The following SMPD2 variants were observed in gnomAD, a reference collection of about 807,000 sequenced individuals.
The protein encoded by SMPD2 is N-SMase.
Under a neutral mutation model 41.7 loss-of-function variants are expected in SMPD2, and 35 were observed. The observed-to-expected ratio is 0.84, with a 90% CI of 0.64 to 1.11. SMPD2 has a LOEUF of 1.11. SMPD2 is among the 50% of genes most tolerant of loss of function. The pLI, the probability that SMPD2 is intolerant of heterozygous loss-of-function variation, is 0.00. For missense variants in SMPD2, 520 were observed against 524.8 expected (o/e 0.99, Z 0.09); for synonymous variants, 201 against 208.2 (o/e 0.97, Z 0.30).
chr6:109,442,465 TGACA>T, intron 5 of SMPD2, 74 bp from the exon 6 acceptor site: 1 of 1,424,804 alleles, frequency 7.0e-7, no homozygotes, highest in East Asian at 2.3e-5. Context: ...CCATGCCAAG[TGACA>T]GACACAGGCT....
rs1774917678 is a variant in SMPD2, at chr6:109,441,984, G to A, written c.235G>A (p.Gly79Ser). The change falls in exon 4 of 10, where the codon GGC becomes AGC. Residue 79 changes from glycine to serine, a missense_variant. Physicochemically the swap from Gly to Ser is moderately conservative, Grantham distance 56 (BLOSUM62 0). Transcript: ENST00000258052. ...GGGCTTGGCTTTCAGCGGAATCATT[G>A]GCAGTGGCCTCTGTGTCTTCTCCAA... is the stretch of plus-strand genomic sequence containing the variant. ...AAHHFRSGII[G>S]SGLCVFSKHP... 6.2e-7 allele frequency: 1 copy of A among 1,614,132 alleles called. No individual in the cohort carries two copies. The highest frequency in any genetic ancestry group is 8.5e-7 in the Non-Finnish European group (1 of 1,179,964).
rs746245730 is a variant in SMPD2, at chr6:109,442,559, A to G, written c.425A>G (p.Asn142Ser). The G allele has an allele frequency of 3.1e-6, 5 of 1,613,504 alleles. No individual in the cohort carries two copies. The highest frequency in any genetic ancestry group is 1.3e-5 in the African/African-American group (1 of 75,054). The change falls in exon 6 of 10, where the codon AAT becomes AGT. Residue 142 changes from asparagine (N) to serine (S), a missense_variant. By Grantham distance (46) the Asn-to-Ser change is conservative. Coordinates refer to ENST00000258052, the MANE Select transcript of SMPD2 (RefSeq NM_003080.3). ...CTTGCTCAGCTCCATGCCGAATACA[A>G]TCGACAGAAGGACATCTACCTAGCA... is the stretch of plus-strand genomic sequence containing the variant. ...AYVTHLHAEY[N>S]RQKDIYLAHR...
At position 109,443,680 on chromosome 6, in the gene SMPD2, G is replaced by C; in HGVS notation, c.1047G>C (p.Gly349=). Residue 349 remains glycine, a synonymous_variant, in exon 10 of 10, where the codon GGG becomes GGC. Transcript: ENST00000258052. ...TGTGTGTCCTGGCGGCTGGAGGAGG[G>C]GCCGGGGAAGCTGCCATACTGCTCT... The part of the protein sequence containing the change: ...ALLCVLAAGG[G]AGEAAILLWT... The C allele has an allele frequency of 1.2e-6, 2 of 1,613,568 alleles. No individual in the cohort carries two copies. Among genetic ancestry groups the C allele is most frequent in the South Asian group, 2.2e-5 (2 of 91,084 alleles).
In SMPD2 at chr6:109,442,904, T is replaced by C; in HGVS notation, c.624+20T>C. The C allele has an allele frequency of 6.2e-7, 1 of 1,610,270 alleles. No individual in the cohort carries two copies. Among genetic ancestry groups the C allele is most frequent in the Non-Finnish European group, 8.5e-7 (1 of 1,176,662 alleles). ...TTCAAGGTGAGGACTTGCCTGTTAC[T>C]TCCCCACCTATATCCCCAGCTTCTC... On this transcript the variant is annotated intron_variant, in intron 7 of 9. Transcript: ENST00000258052.
chr6:109,440,968 C>G lies in SMPD2; in HGVS notation c.-154C>G. The stretch of plus-strand genomic sequence containing the variant: ...TTGCCGGGGGAACGCGGGAGTCGGG[C>G]CCGACCTGAGCCACGCGGGCTTGGT... On this transcript the variant is annotated 5_prime_UTR_variant, in exon 1 of 10. Transcript: ENST00000258052. The G allele has an allele frequency of 2.8e-6, 2 of 713,526 alleles. No homozygotes were observed. Among genetic ancestry groups the G allele is most frequent in the East Asian group, 2.8e-5 (1 of 36,026 alleles). The allele number at this position is 713,526 out of a possible 1,614,324, so 44.2% of individuals were successfully genotyped here.
At position 109,443,512 on chromosome 6, in the gene SMPD2, T is replaced by C. The variant is rs775164298; in HGVS notation, c.884-5T>C. On this transcript the variant is annotated splice_polypyrimidine_tract_variant and splice_region_variant and intron_variant, in intron 9 of 9. Coordinates refer to ENST00000258052, the MANE Select transcript of SMPD2 (RefSeq NM_003080.3). ...CTCCTGCCCCACTGCCCTGCTCTGT[T>C]GTAGGACCAGCAGAGAGGTCGCCGT... 1.6e-5 allele frequency: 26 copies of C among 1,609,110 alleles called. No individual in the cohort carries two copies. The highest frequency in any genetic ancestry group is 2.0e-5 in the Non-Finnish European group (24 of 1,176,802).
Position 109,442,742 on chromosome 6 carries a change from G to GT in SMPD2, c.492-8dup. ...GAAGAACTCCCGCCTCACCAACCTG[G>GT]TTCCCCCAGCCACACATCCAAGAAG... On this transcript the variant is annotated splice_polypyrimidine_tract_variant and intron_variant, in intron 6 of 9. Coordinates refer to ENST00000258052, the MANE Select transcript of SMPD2 (RefSeq NM_003080.3). 1 of 1,603,810 alleles carries GT rather than the reference G, an allele frequency of 6.2e-7. No homozygotes were observed. The highest frequency in any genetic ancestry group is 8.5e-7 in the Non-Finnish European group (1 of 1,179,518).
At chr6:109,441,496 G>T in intron 2 of SMPD2, 43 bp downstream of exon 2, 1 of 1,612,396 alleles carries the variant, frequency 6.2e-7, no homozygotes, top group Non-Finnish European at 8.5e-7. Flanking sequence ...CTGGGAGGAG[G>T]GACAGACCGT....
Position 109,440,797 on chromosome 6 carries a change from A to C in SMPD2, c.-325A>C. The stretch of plus-strand genomic sequence containing the variant: ...ACCGCCGGGGACGAGCTTGGAGGAA[A>C]AGGAACCGGGAGCCGCCCACCCGGG... On this transcript the variant is annotated 5_prime_UTR_variant, in exon 1 of 10. Transcript: ENST00000258052. 2.8e-6 allele frequency: 1 copy of C among 354,710 alleles called. No homozygotes were observed. The highest frequency in any genetic ancestry group is 4.8e-6 in the Non-Finnish European group (1 of 207,488). 22.0% of individuals were successfully genotyped at this position (354,710 alleles called of 1,614,324 possible).
At chr6:109,441,504 C>T (rs375281708) in intron 2 of SMPD2, 48 bp from the exon 3 acceptor site, 4 of 1,607,942 alleles carry the variant, frequency 2.5e-6, no homozygotes, top group East Asian at 4.5e-5. Context: ...AGGGACAGAC[C>T]GTCCCACTGG....
In SMPD2 at chr6:109,442,230, C is replaced by A. The variant is rs147234352; in HGVS notation, c.339C>A (p.Phe113Leu). ...TGCAGATCCATCATGGTGACTGGTTCAGTGGGAAGGCTGTGGGGCTGCTGG... is the reference window on the plus strand; with the variant it reads ...TGCAGATCCATCATGGTGACTGGTTAAGTGGGAAGGCTGTGGGGCTGCTGG... ...YPYMIHHGDW[F>L]SGKAVGLLVL... is the part of the protein sequence containing the mutation. Residue 113 changes from phenylalanine to leucine, a missense_variant, in exon 5 of 10, where the codon TTC (phenylalanine) becomes TTA (leucine). Coordinates refer to ENST00000258052, the MANE Select transcript of SMPD2 (RefSeq NM_003080.3). 279 of 1,614,208 alleles carry A rather than the reference C, an allele frequency of 1.7e-4. 1 individual carries two copies. The African/African-American group carries it at 3.1e-3, about 18-fold the overall frequency.
Position 109,443,361 on chromosome 6 carries a change from T to C in SMPD2, c.824T>C (p.Leu275Pro), listed in dbSNP as rs768830624. 6.2e-7 allele frequency: 1 copy of C among 1,614,108 alleles called. No homozygotes were observed. Among genetic ancestry groups the C allele is most frequent in the Non-Finnish European group, 8.5e-7 (1 of 1,179,978 alleles). ...RGTPLSDHEA[L>P]MATLFVRHSP... ...ACCCCCCTCTCTGATCATGAAGCCC[T>C]GATGGCTACTCTGTTTGTGAGGCAC... The change falls in exon 9 of 10, where the codon CTG becomes CCG. Residue 275 changes from leucine to proline, a missense_variant. Transcript: ENST00000258052.
In SMPD2 at chr6:109,442,475, A is replaced by G. The variant is rs1399992971; in HGVS notation, c.409-68A>G. The G allele has an allele frequency of 6.2e-6, 9 of 1,455,412 alleles. No homozygotes were observed. In the Admixed American group the frequency reaches 1.5e-4, roughly 25 times the overall value. The allele number at this position is 1,455,412 out of a possible 1,614,324, so 90.2% of individuals were successfully genotyped here. ...AAACACCATGCCAAGTGACAGACAC[A>G]GGCTTGATTCAGACATACCCCTGGG... On this transcript the variant is annotated intron_variant, in intron 5 of 9. Transcript: ENST00000258052.
At chr6:109,441,498 A>T in intron 2 of SMPD2, 45 bp downstream of exon 2, 1 of 1,612,412 alleles carries the variant, frequency 6.2e-7, no homozygotes, top group Non-Finnish European at 8.5e-7. Context: ...GGGAGGAGGG[A>T]CAGACCGTCC....
intron 1 of SMPD2, 83 bp downstream of exon 1, chr6:109,441,254 A>T (rs1774864259): frequency 6.3e-7 from 1 of 1,594,910 alleles, no homozygotes; most frequent in Non-Finnish European, 8.6e-7. Flanking sequence ...CCGCCCCACG[A>T]TCTCAGGGTG....
In SMPD2 at chr6:109,443,022, AG is replaced by A; in HGVS notation, c.671del (p.Ser224ThrfsTer5). ...AATGGTACCCAAGAACTGCTACGTC[AG>A]CCAGCAGGAGCTGAAGCCATTTCCC... is the stretch of plus-strand genomic sequence containing the variant. ...NTMVPKNCYV[S>X]QQELKPFPFG... On this transcript the variant is annotated frameshift_variant, in exon 8 of 10. Transcript: ENST00000258052. LOFTEE classifies it high-confidence loss of function. The A allele has an allele frequency of 1.9e-6, 3 of 1,614,226 alleles. No homozygotes were observed. Among genetic ancestry groups the A allele is most frequent in the Non-Finnish European group, 2.5e-6 (3 of 1,180,038 alleles).
At chr6:109,442,338 G>T (rs1562282345) in intron 5 of SMPD2, 39 bp downstream of exon 5, 1 of 1,568,166 alleles carries the variant, frequency 6.4e-7, no homozygotes, top group South Asian at 1.1e-5. Flanking sequence ...GGGACATGCA[G>T]CCCAGTCCTG....
chr6:109,441,497 G>A (rs1431210367), intron 2 of SMPD2, 44 bp downstream of exon 2: 10 of 1,612,428 alleles, frequency 6.2e-6, no homozygotes, highest in Non-Finnish European at 7.6e-6. Context: ...TGGGAGGAGG[G>A]ACAGACCGTC....
rs1775078820 is a variant in SMPD2 at position 109,443,881 on chromosome 6, G to A, written c.1248G>A (p.Glu416=). The A allele has an allele frequency of 6.2e-7, 1 of 1,611,574 alleles. No individual in the cohort carries two copies. ...PQPALLLGQQ[E]GDRTKEQ is the part of the protein sequence containing the mutation. ...CAGCCCTACTCCTGGGGCAGCAGGA[G>A]GGGGACAGAACTAAAGAACAATAAA... Residue 416 remains glutamate (E), a synonymous_variant, in exon 10 of 10, where the codon GAG becomes GAA. Transcript: ENST00000258052.
Sources: gnomAD v4.1 joint callset for allele counts on GRCh38, gnomAD v4.1.1 for gene constraint, MANE v1.5 for transcripts, NCBI Gene and HGNC (gene_info 2026-07-23, HGNC 2026-07-21) for gene names.